Variants in MIR2052HG observed in about 807,000 individuals in gnomAD.
MIR2052HG encodes the protein MIR2052 host gene.
chr8:74,733,404 C>T (rs1563542293), intron 4 of MIR2052HG, among the ~76,000 whole-genome samples: 1 of 152,114 alleles, frequency 6.6e-6, no homozygotes, highest in Non-Finnish European at 1.5e-5. Context: ...CTACAAAGGA[C>T]ATAAATTCAT....
chr8:74,629,195 T>C (rs1409704876), intron 2 of MIR2052HG, among the ~76,000 whole-genome samples: 1 of 152,178 alleles, frequency 6.6e-6, no homozygotes, highest in African/African-American at 2.4e-5. Flanking sequence ...ACTTATTTGA[T>C]GACAGAGGCT....
intron 3 of MIR2052HG, among the ~76,000 whole-genome samples, chr8:74,703,026 A>T (rs1023011994): frequency 2.6e-5 from 4 of 152,048 alleles, no homozygotes; most frequent in Non-Finnish European, 5.9e-5. Context: ...GGGTCCTGCA[A>T]TTGAAAATGA....
intron 4 of MIR2052HG, among the ~76,000 whole-genome samples, chr8:74,718,875 C>T (rs150865316): frequency 6.6e-6 from 1 of 152,118 alleles, no homozygotes; most frequent in Non-Finnish European, 1.5e-5. Flanking sequence ...TCAAAGGCCC[C>T]ATCTCCTAAT....
intron 5 of MIR2052HG, among the ~76,000 whole-genome samples, chr8:74,754,397 C>T (rs1157830831): frequency 6.6e-6 from 1 of 152,166 alleles, no homozygotes; most frequent in African/African-American, 2.4e-5. Flanking sequence ...GAGTGTTAGG[C>T]ACATTTGGTG....
intron 4 of MIR2052HG, among the ~76,000 whole-genome samples, chr8:74,724,366 T>C (rs765045344): frequency 6.6e-6 from 1 of 152,320 alleles, no homozygotes; most frequent in Admixed American, 6.5e-5. Context: ...TTTAAAGTGA[T>C]ACCTGTGACC....
At chr8:74,663,326 G>T (rs1270462881) in intron 2 of MIR2052HG, among the ~76,000 whole-genome samples, 2 of 152,150 alleles carry the variant, frequency 1.3e-5, no homozygotes, top group African/African-American at 4.8e-5. Context: ...TGATATACAT[G>T]CCAGGGAGAT....
intron 2 of MIR2052HG, among the ~76,000 whole-genome samples, chr8:74,637,431 G>GCACA (rs144103123): frequency 6.6e-6 from 1 of 150,742 alleles, no homozygotes. Flanking sequence ...ACATGTGCGT[G>GCACA]CACACACACA....
intron 2 of MIR2052HG, among the ~76,000 whole-genome samples, chr8:74,642,317 A>G (rs928028530): frequency 6.6e-6 from 1 of 152,150 alleles, no homozygotes; most frequent in African/African-American, 2.4e-5. Flanking sequence ...GAAGAACTTT[A>G]GGAAGATTAT....
chr8:74,675,456 C>G (rs1809040576), intron 2 of MIR2052HG, among the ~76,000 whole-genome samples: 1 of 151,936 alleles, frequency 6.6e-6, no homozygotes, highest in Non-Finnish European at 1.5e-5. Context: ...GGTTATATGC[C>G]AATACTCTGC....
At chr8:74,671,733 A>G (rs374121292) in intron 2 of MIR2052HG, among the ~76,000 whole-genome samples, 52 of 152,276 alleles carry the variant, frequency 3.4e-4, no homozygotes, top group Middle Eastern at 6.8e-3. Flanking sequence ...GTCCTTCACC[A>G]TCAAAGATAA....
At chr8:74,745,943 ATAT>A (rs1409269116) in intron 4 of MIR2052HG, among the ~76,000 whole-genome samples, 1 of 152,186 alleles carries the variant, frequency 6.6e-6, no homozygotes, top group Admixed American at 6.6e-5. Context: ...GTCAACACTA[ATAT>A]TATTCTCATC....
rs185548226 is a variant in MIR2052HG at position 74,623,847 on chromosome 8, T to G, written n.216+10907T>G. 1.5e-4 allele frequency among the ~76,000 whole-genome samples: 23 copies of G among 152,196 alleles called. 1 individual carries two copies. Among genetic ancestry groups the G allele is most frequent in the Admixed American group, 1.5e-3 (23 of 15,278 alleles). On this transcript the variant is annotated intron_variant and non_coding_transcript_variant, in intron 2 of 6. Coordinates refer to ENST00000523442, the Ensembl canonical transcript of MIR2052HG. ...CTTGATGATCTGTATATAAGGGATA[T>G]TGAACATTGATTAGGCCAGTGAAAG...
Position 74,748,400 on chromosome 8 carries a change from T to C in MIR2052HG, n.372-4041T>C, listed in dbSNP as rs181862633. On this transcript the variant is annotated intron_variant and non_coding_transcript_variant, in intron 4 of 6. Coordinates refer to ENST00000523442, the Ensembl canonical transcript of MIR2052HG. ...GGAACTTTCACTAGTCCTATAAGCA[T>C]TTTCAATCTCTCTTGTTGAACACCA... is the stretch of plus-strand genomic sequence containing the variant. Among the ~76,000 whole-genome samples the C allele has an allele frequency of 3.6e-3, 544 of 152,328 alleles. 2 individuals carry two copies. The highest frequency in any genetic ancestry group is 4.6e-3 in the Non-Finnish European group (313 of 68,034).
chr8:74,694,794 G>GA (rs955647066), intron 2 of MIR2052HG, among the ~76,000 whole-genome samples: 3 of 151,788 alleles, frequency 2.0e-5, no homozygotes, highest in African/African-American at 2.4e-5. Flanking sequence ...CAAAGGCAAA[G>GA]AAAAAAATGA....
At chr8:74,663,772 C>A (rs954350258) in intron 2 of MIR2052HG, among the ~76,000 whole-genome samples, 10 of 152,158 alleles carry the variant, frequency 6.6e-5, no homozygotes, top group African/African-American at 2.2e-4. Context: ...ATGTAAGTAG[C>A]ATTTACCTCT....
intron 2 of MIR2052HG, among the ~76,000 whole-genome samples, chr8:74,637,934 A>G (rs773820091): frequency 2.6e-5 from 4 of 152,164 alleles, no homozygotes; most frequent in Non-Finnish European, 4.4e-5. Flanking sequence ...GACTCTAGGG[A>G]TATAGTTTTG....
At chr8:74,654,588 T>A (rs2128736405) in intron 2 of MIR2052HG, among the ~76,000 whole-genome samples, 1 of 152,296 alleles carries the variant, frequency 6.6e-6, no homozygotes, top group South Asian at 2.1e-4. Context: ...TTCTTGCTCA[T>A]TTTCTCTTGC....
intron 2 of MIR2052HG, among the ~76,000 whole-genome samples, chr8:74,646,133 C>T (rs1275234048): frequency 1.4e-5 from 2 of 139,350 alleles, no homozygotes; most frequent in African/African-American, 3.0e-5. Context: ...TAAGTAGTGC[C>T]TAAAATACAG....
At chr8:74,685,924 A>G (rs1156882640) in intron 2 of MIR2052HG, among the ~76,000 whole-genome samples, 1 of 152,036 alleles carries the variant, frequency 6.6e-6, no homozygotes, top group African/African-American at 2.4e-5. Flanking sequence ...TTTATTTTTT[A>G]GAGACTTTCA....
Sources: allele counts gnomAD v4.1 joint callset (sites outside exome capture counted in the v4.1 genomes callset), GRCh38; gene constraint gnomAD v4.1.1; transcripts MANE v1.5; gene names NCBI Gene and HGNC (gene_info 2026-07-23, HGNC 2026-07-21).